Variants in NEK10 observed in about 807,000 individuals in gnomAD.
The protein encoded by NEK10 is serine/threonine-protein kinase Nek10.
NEK10 carries 122 observed loss-of-function variants against 159.8 expected under a neutral mutation model. That is an observed-to-expected ratio of 0.76 (90% CI 0.66 to 0.89). The LOEUF (loss-of-function observed/expected upper bound fraction) is 0.89, where lower values mean the gene tolerates loss of function less well. Ranked by LOEUF, NEK10 falls within the 40% of genes least tolerant of loss-of-function variation. The pLI is 0.00. For missense variants in NEK10, 1,342 were observed against 1,323.1 expected (o/e 1.01, Z -0.22); for synonymous variants, 466 against 457.1 (o/e 1.02, Z -0.25).
chr3:27,119,949 T>G lies in NEK10; in HGVS notation c.3082-81A>C, dbSNP rs1941050787. 8 of 985,874 alleles carry G rather than the reference T, an allele frequency of 8.1e-6. No homozygotes were observed. In the South Asian group the frequency reaches 1.1e-4, roughly 13 times the overall value. 61.1% of individuals were successfully genotyped at this position (985,874 alleles called of 1,614,324 possible). A position where few individuals can be genotyped will look rare whatever the true frequency, so the allele number is the denominator to read the frequency against. On this transcript the variant is annotated intron_variant, in intron 32 of 35. Coordinates refer to ENST00000691995, the MANE Select transcript of NEK10 (RefSeq NM_001394966.1). ...GAGACCTCTGTGTGGGGTTTTTCAT[T>G]TCCCTATGTCTCTGCACAGAAAATT...
intron 7 of NEK10, among the ~76,000 whole-genome samples, chr3:27,313,778 C>T (rs2044911009): frequency 1.3e-5 from 2 of 152,096 alleles, no homozygotes; most frequent in Non-Finnish European, 2.9e-5. Context: ...AGTGGTGCAA[C>T]TTCAGCTCAC....
intron 22 of NEK10, among the ~76,000 whole-genome samples, chr3:27,268,850 G>A (rs2041111540): frequency 6.6e-6 from 1 of 152,110 alleles, no homozygotes; most frequent in Admixed American, 6.6e-5. Flanking sequence ...TCTGGGCAAC[G>A]TTTACCTCCT....
chr3:27,228,684 C>A (rs1437911396), intron 23 of NEK10, among the ~76,000 whole-genome samples: 1 of 152,052 alleles, frequency 6.6e-6, no homozygotes, highest in Non-Finnish European at 1.5e-5. Flanking sequence ...ATGATTGTAG[C>A]CCCACAGGAG....
rs962890598 is a variant in NEK10, at chr3:27,316,660, T to G, written c.448-2322A>C. ...TAATGTTATTTTTAAATGTTTGCCA[T>G]GACAATAAATTTATTCAATAATTTT... is the stretch of plus-strand genomic sequence containing the variant. On this transcript the variant is annotated intron_variant, in intron 6 of 35. Coordinates refer to ENST00000691995, the MANE Select transcript of NEK10 (RefSeq NM_001394966.1). Among the ~76,000 whole-genome samples the G allele has an allele frequency of 1.5e-4, 23 of 152,094 alleles. 1 individual carries two copies. The highest frequency in any genetic ancestry group is 2.9e-5 in the Non-Finnish European group (2 of 68,010).
chr3:27,321,905 A>G (rs2045667626), intron 6 of NEK10, among the ~76,000 whole-genome samples: 1 of 152,222 alleles, frequency 6.6e-6, no homozygotes, highest in South Asian at 2.1e-4. Context: ...ATGGTTTAAA[A>G]TGCCAAATAG....
At chr3:27,138,585 C>A (rs550518831) in intron 31 of NEK10, among the ~76,000 whole-genome samples, 1 of 152,172 alleles carries the variant, frequency 6.6e-6, no homozygotes, top group Non-Finnish European at 1.5e-5. Context: ...TAATTCTTTA[C>A]ATTAAACCTT....
rs751089178 is a variant in NEK10 at position 27,314,348 on chromosome 3, T to C, written c.448-10A>G. The C allele has an allele frequency of 1.1e-5, 17 of 1,578,118 alleles. No individual in the cohort carries two copies. The South Asian group carries it at 1.9e-4, about 18-fold the overall frequency. ...AGCTATGGAGTATTTCCTAATAAAA[T>C]AAAAGCAACAAAACACATGTAAATG... On this transcript the variant is annotated splice_polypyrimidine_tract_variant and intron_variant, in intron 6 of 35. Coordinates refer to ENST00000691995, the MANE Select transcript of NEK10 (RefSeq NM_001394966.1).
At chr3:27,225,343 A>T (rs1223246174) in intron 23 of NEK10, among the ~76,000 whole-genome samples, 2 of 152,200 alleles carry the variant, frequency 1.3e-5, no homozygotes, top group Non-Finnish European at 2.9e-5. Flanking sequence ...ATCCTCACAG[A>T]CACAACCAGG....
At chr3:27,361,885 C>T (rs1313324906) in intron 1 of NEK10, among the ~76,000 whole-genome samples, 1 of 116,346 alleles carries the variant, frequency 8.6e-6, no homozygotes, top group Non-Finnish European at 1.9e-5. Context: ...TGCACAAGAC[C>T]ACTGGGCACT....
intron 23 of NEK10, among the ~76,000 whole-genome samples, chr3:27,208,561 C>T (rs1272661976): frequency 6.6e-6 from 1 of 151,994 alleles, no homozygotes; most frequent in East Asian, 1.9e-4. Flanking sequence ...AAGATGAAAG[C>T]CACAGGACTT....
intron 22 of NEK10, among the ~76,000 whole-genome samples, chr3:27,276,970 GAGT>G (rs1171122419): frequency 3.9e-5 from 6 of 152,288 alleles, no homozygotes; most frequent in Admixed American, 2.6e-4. Flanking sequence ...TTACAATGAG[GAGT>G]AGTCACATGA....
intron 9 of NEK10, chr3:27,310,739 T>C (rs1041520672): frequency 1.2e-4 from 47 of 402,712 alleles, no homozygotes; most frequent in African/African-American, 8.1e-4. Flanking sequence ...AAGAAAAGAG[T>C]TCCAGAAAAC....
chr3:27,256,566 T>C (rs1956200873), intron 22 of NEK10, among the ~76,000 whole-genome samples, 195 bp from the exon 23 acceptor site: 1 of 152,232 alleles, frequency 6.6e-6, no homozygotes, highest in Admixed American at 6.5e-5. Flanking sequence ...GACTGAAACA[T>C]AGGACAAAGT....
At chr3:27,258,216 T>C (rs1229612624) in intron 22 of NEK10, among the ~76,000 whole-genome samples, 1 of 152,162 alleles carries the variant, frequency 6.6e-6, no homozygotes, top group Non-Finnish European at 1.5e-5. Context: ...GTCATGTATG[T>C]ATTATATATA....
rs11351970 is a variant in NEK10 at position 27,331,237 on chromosome 3, C to CAAAAAAAAAAAAAAAAAAAAAAA, written c.363-8977_363-8976insTTTTTTTTTTTTTTTTTTTTTTT. On this transcript the variant is annotated intron_variant, in intron 5 of 35. Coordinates refer to ENST00000691995, the MANE Select transcript of NEK10 (RefSeq NM_001394966.1). ...TGGGTGATAAAGTAAGACTCTGTCT[C>CAAAAAAAAAAAAAAAAAAAAAAA]AAAAAAAAAAAAACAAAAAAAAAAA... 2.0e-4 allele frequency among the ~76,000 whole-genome samples: 6 copies of CAAAAAAAAAAAAAAAAAAAAAAA among 29,582 alleles called. 1 individual carries two copies. Among genetic ancestry groups the CAAAAAAAAAAAAAAAAAAAAAAA allele is most frequent in the African/African-American group, 2.9e-4 (5 of 17,206 alleles). The allele number at this position is 29,582 out of a possible 152,430, so 19.4% of individuals were successfully genotyped here.
rs141631404 is a variant in NEK10 at position 27,134,026 on chromosome 3, G to A, written c.2971-2036C>T. ...TTATTATTGTCCTTTCACATGAAAT[G>A]AAAGGAGGAAATTTAAAAAAATGTG... On this transcript the variant is annotated intron_variant, in intron 31 of 35. Coordinates refer to ENST00000691995, the MANE Select transcript of NEK10 (RefSeq NM_001394966.1). Among the ~76,000 whole-genome samples the A allele has an allele frequency of 3.9e-3, 600 of 152,118 alleles. 4 individuals carry two copies. The highest frequency in any genetic ancestry group is 0.014 in the African/African-American group (576 of 41,484).
rs142537411 is a variant in NEK10 at position 27,212,181 on chromosome 3, C to T, written c.2091-9624G>A. On this transcript the variant is annotated intron_variant, in intron 23 of 35. Coordinates refer to ENST00000691995, the MANE Select transcript of NEK10 (RefSeq NM_001394966.1). ...TGTTCTATCAAAACAAATTCATGAA[C>T]ATGTAAATAATTTTTGATTATTGCT... Among the ~76,000 whole-genome samples, 213 of 152,256 alleles carry T rather than the reference C, an allele frequency of 1.4e-3. 2 individuals are homozygous for T. Among genetic ancestry groups the T allele is most frequent in the Admixed American group, 5.0e-3 (76 of 15,300 alleles).
Position 27,201,600 on chromosome 3 carries a change from G to C in NEK10, c.2221-20C>G. 1 of 1,600,766 alleles carries C rather than the reference G, an allele frequency of 6.2e-7. No individual in the cohort carries two copies. The highest frequency in any genetic ancestry group is 8.6e-7 in the Non-Finnish European group (1 of 1,168,742). ...CACTATCTGCAAAACAAACAGACTAGAGTGATGGAAGTAAAGGGGCCACGG... is the reference window on the plus strand; with the variant it reads ...CACTATCTGCAAAACAAACAGACTACAGTGATGGAAGTAAAGGGGCCACGG... On this transcript the variant is annotated intron_variant, in intron 24 of 35. Coordinates refer to ENST00000691995, the MANE Select transcript of NEK10 (RefSeq NM_001394966.1).
intron 22 of NEK10, among the ~76,000 whole-genome samples, chr3:27,263,421 T>C (rs1273916748): frequency 1.3e-5 from 2 of 152,046 alleles, no homozygotes; most frequent in Non-Finnish European, 2.9e-5. Flanking sequence ...AGAGGTGGAG[T>C]CTACAGAGGC....
Sources: gnomAD v4.1 joint callset for allele counts (sites outside exome capture counted in the v4.1 genomes callset) on GRCh38, gnomAD v4.1.1 for gene constraint, MANE v1.5 for transcripts, NCBI Gene and HGNC (gene_info 2026-07-23, HGNC 2026-07-21) for gene names.